The following JAZF1 variants were observed in gnomAD, a reference collection of about 807,000 sequenced individuals.
The protein encoded by JAZF1 is JAZF zinc finger 1.
In JAZF1, 8 loss-of-function variants were observed where a neutral mutation model predicts 26.4. The ratio of observed to expected loss-of-function variants is 0.30; its 90% CI spans 0.18 to 0.55. The LOEUF (loss-of-function observed/expected upper bound fraction) is 0.55. Among genes scored for constraint, JAZF1 ranks in the 20% least tolerant of loss-of-function variants. The probability of loss-of-function intolerance (pLI) is 0.94; values close to 1 mark genes in which losing one functional copy is unlikely to be tolerated. For synonymous variants in JAZF1, 126 were observed against 122.3 expected, an observed-to-expected ratio of 1.03 and a Z score of -0.20; for missense variants, 199 against 322.0, an observed-to-expected ratio of 0.62 and a Z score of 2.92.
intron 1 of JAZF1, among the ~76,000 whole-genome samples, chr7:28,161,703 A>G (rs1035070199): frequency 2.6e-5 from 4 of 152,126 alleles, no homozygotes; most frequent in East Asian, 3.9e-4. Context: ...AATATTTCCA[A>G]TGAACCCACT....
intron 3 of JAZF1, chr7:27,842,298 G>C (rs1313019475): frequency 6.6e-6 from 1 of 152,186 alleles, no homozygotes; most frequent in East Asian, 1.9e-4. Flanking sequence ...CTGAGCCCTC[G>C]TGAGGTTAAA....
chr7:27,850,021 C>A (rs1231019601), intron 3 of JAZF1, among the ~76,000 whole-genome samples: 1 of 152,158 alleles, frequency 6.6e-6, no homozygotes, highest in Non-Finnish European at 1.5e-5. Context: ...CACTGACATA[C>A]AGATAAAAGT....
chr7:27,836,954 C>T (rs1562757698), intron 4 of JAZF1, among the ~76,000 whole-genome samples: 1 of 152,028 alleles, frequency 6.6e-6, no homozygotes, highest in Admixed American at 6.6e-5. Flanking sequence ...TTTTCATACA[C>T]ACACACACAC....
chr7:28,071,701 T>C (rs1783981156), intron 1 of JAZF1: 1 of 458,164 alleles, frequency 2.2e-6, no homozygotes, highest in Non-Finnish European at 4.5e-6. Flanking sequence ...TTGGAGGTGA[T>C]GACAAAAATA....
At chr7:27,841,019 G>A in intron 3 of JAZF1, 152 bp from the exon 4 acceptor site, 3 of 689,736 alleles carry the variant, frequency 4.3e-6, no homozygotes, top group East Asian at 2.7e-5. Context: ...CTGCAAACAC[G>A]GCTATTCCCT....
At chr7:28,165,997 T>TA (rs1001773352) in intron 1 of JAZF1, among the ~76,000 whole-genome samples, 19 of 149,572 alleles carry the variant, frequency 1.3e-4, no homozygotes, top group East Asian at 2.0e-4. Flanking sequence ...GCATGAAAAA[T>TA]AAAAAAAAAG....
intron 2 of JAZF1, among the ~76,000 whole-genome samples, chr7:27,983,114 A>G (rs1044390384): frequency 1.3e-5 from 2 of 152,258 alleles, no homozygotes; most frequent in Non-Finnish European, 2.9e-5. Flanking sequence ...AGTTGAGAGA[A>G]GAAGGCTTCA....
chr7:27,929,317 G>C (rs865987152), intron 2 of JAZF1, among the ~76,000 whole-genome samples: 1 of 152,306 alleles, frequency 6.6e-6, no homozygotes, highest in South Asian at 2.1e-4. Flanking sequence ...TGGCCAGCAG[G>C]GGGAGGGAGC....
chr7:27,992,721 A>G (rs1441502968), intron 1 of JAZF1, among the ~76,000 whole-genome samples: 4 of 152,226 alleles, frequency 2.6e-5, no homozygotes, highest in Non-Finnish European at 4.4e-5. Flanking sequence ...TGTATAAACA[A>G]TGTTTATGTA....
At chr7:28,069,081 G>A (rs1466911017) in intron 1 of JAZF1, among the ~76,000 whole-genome samples, 1 of 152,218 alleles carries the variant, frequency 6.6e-6, no homozygotes, top group Admixed American at 6.5e-5. Flanking sequence ...AGCACAGGAG[G>A]AACTTACACA....
At chr7:28,043,382 C>T (rs960684836) in intron 1 of JAZF1, among the ~76,000 whole-genome samples, 1 of 152,070 alleles carries the variant, frequency 6.6e-6, no homozygotes, top group African/African-American at 2.4e-5. Context: ...AGAGCCAGAG[C>T]GTGAACTACC....
At chr7:28,154,058 A>T (rs556919357) in intron 1 of JAZF1, among the ~76,000 whole-genome samples, 1 of 152,272 alleles carries the variant, frequency 6.6e-6, no homozygotes, top group South Asian at 2.1e-4. Context: ...TAATGGGATG[A>T]AGAGGTACAC....
intron 1 of JAZF1, among the ~76,000 whole-genome samples, chr7:28,172,890 C>G (rs1783493514): frequency 6.6e-6 from 1 of 152,166 alleles, no homozygotes; most frequent in Admixed American, 6.5e-5. Context: ...AAAATGTGGA[C>G]CCAATTCGAC....
At chr7:28,020,553 G>A (rs766312051) in intron 1 of JAZF1, 43 of 471,090 alleles carry the variant, frequency 9.1e-5, no homozygotes, top group African/African-American at 2.8e-4. Flanking sequence ...TGACACTTAC[G>A]TTGTCCTACG....
chr7:28,047,166 C>G (rs114680393), intron 1 of JAZF1, among the ~76,000 whole-genome samples: 24 of 152,248 alleles, frequency 1.6e-4, no homozygotes, highest in Non-Finnish European at 3.1e-4. Flanking sequence ...AATATCCCAT[C>G]TATTCTGAGT....
intron 3 of JAZF1, among the ~76,000 whole-genome samples, chr7:27,870,591 C>A (rs1308393079): frequency 6.6e-6 from 1 of 152,140 alleles, no homozygotes; most frequent in Non-Finnish European, 1.5e-5. Flanking sequence ...CCAACCTCCC[C>A]TCTTACAGAG....
chr7:27,952,609 T>C (rs1426563822), intron 2 of JAZF1, among the ~76,000 whole-genome samples: 1 of 152,224 alleles, frequency 6.6e-6, no homozygotes, highest in African/African-American at 2.4e-5. Context: ...TGAGCTGTAG[T>C]TGGCAGTGGA....
intron 1 of JAZF1, among the ~76,000 whole-genome samples, chr7:28,146,160 G>A (rs1051117529): frequency 3.0e-4 from 46 of 152,298 alleles, no homozygotes; most frequent in African/African-American, 1.0e-3. Context: ...GTCAAGCTAG[G>A]CAAGCCAACA....
At chr7:28,154,748 A>C (rs1292426812) in intron 1 of JAZF1, among the ~76,000 whole-genome samples, 1 of 151,998 alleles carries the variant, frequency 6.6e-6, no homozygotes, top group East Asian at 1.9e-4. Context: ...TATGGTACTT[A>C]ATTTCTCAGT....
Sources: allele counts gnomAD v4.1 joint callset (sites outside exome capture counted in the v4.1 genomes callset), GRCh38; gene constraint gnomAD v4.1.1; transcripts MANE v1.5; gene names NCBI Gene and HGNC (gene_info 2026-07-23, HGNC 2026-07-21).